Variants in PCDH15 observed in about 807,000 individuals in gnomAD.
The protein encoded by PCDH15 is protocadherin-15.
Under a neutral mutation model 178.5 loss-of-function variants are expected in PCDH15, and 129 were observed. The ratio of observed to expected loss-of-function variants is 0.72; its 90% confidence interval spans 0.63 to 0.84. PCDH15 has a LOEUF of 0.84. Among genes scored for constraint, PCDH15 ranks in the 40% least tolerant of loss-of-function variants. The pLI, the probability that PCDH15 is intolerant of heterozygous loss-of-function variation, is 0.00. For missense variants in PCDH15, 2,230 were observed against 2,099.9 expected (o/e 1.06, Z -1.21); for synonymous variants, 800 against 732.0 (o/e 1.09, Z -1.50).
At chr10:54,353,526 T>G (rs1019396614) in intron 5 of PCDH15, among the ~76,000 whole-genome samples, 1 of 152,186 alleles carries the variant, frequency 6.6e-6, no homozygotes, top group Non-Finnish European at 1.5e-5. Context: ...CTAATATCCC[T>G]GTACAGACTA....
At chr10:54,083,341 G>C (rs10825220) in intron 16 of PCDH15, among the ~76,000 whole-genome samples, 1 of 152,104 alleles carries the variant, frequency 6.6e-6, no homozygotes, top group African/African-American at 2.4e-5. Context: ...TCACAGCAGC[G>C]GTATTTGTAA....
Position 54,255,755 on chromosome 10 carries a change from C to T in PCDH15, c.877-18824G>A, listed in dbSNP as rs79874448. Among the ~76,000 whole-genome samples the T allele has an allele frequency of 6.2e-3, 949 of 152,182 alleles. 5 individuals carry two copies. The highest frequency in any genetic ancestry group is 0.011 in the Non-Finnish European group (717 of 68,012). ...ATATTAATGATAGCCTGAAAGCCCA[C>T]TCAGATATCTCACAGAGCCTATACT... On this transcript the variant is annotated intron_variant, in intron 8 of 37. Coordinates refer to ENST00000644397, the MANE Select transcript of PCDH15 (RefSeq NM_001384140.1).
intron 2 of PCDH15, among the ~76,000 whole-genome samples, chr10:55,344,092 C>G (rs1205717321): frequency 1.3e-5 from 2 of 151,846 alleles, no homozygotes; most frequent in Non-Finnish European, 2.9e-5. Context: ...ATAGAGATAC[C>G]AGGCAGAAAA....
chr10:55,032,686 G>T (rs1840641352), intron 2 of PCDH15, among the ~76,000 whole-genome samples: 1 of 152,316 alleles, frequency 6.6e-6, no homozygotes, highest in East Asian at 1.9e-4. Context: ...TCTACTATTA[G>T]ATAAGGAGAC....
At chr10:54,990,181 C>T (rs1666059469) in intron 2 of PCDH15, among the ~76,000 whole-genome samples, 1 of 152,174 alleles carries the variant, frequency 6.6e-6, no homozygotes, top group Admixed American at 6.5e-5. Context: ...CATAGCATTT[C>T]TTGGAGATCT....
At chr10:54,732,479 C>T (rs1338869843) in intron 1 of PCDH15, among the ~76,000 whole-genome samples, 1 of 151,422 alleles carries the variant, frequency 6.6e-6, no homozygotes, top group African/African-American at 2.4e-5. Flanking sequence ...ACACAAGACT[C>T]ACTCAAGAAA....
At chr10:55,391,277 T>G (rs1837786398) in intron 2 of PCDH15, among the ~76,000 whole-genome samples, 1 of 151,836 alleles carries the variant, frequency 6.6e-6, no homozygotes, top group Non-Finnish European at 1.5e-5. Context: ...TGAACCAACC[T>G]TCTCCAGCTT....
At chr10:54,134,418 C>G (rs1288906085) in intron 14 of PCDH15, among the ~76,000 whole-genome samples, 1 of 152,066 alleles carries the variant, frequency 6.6e-6, no homozygotes, top group Non-Finnish European at 1.5e-5. Flanking sequence ...AAATATTTGT[C>G]TGAGTTTATT....
intron 18 of PCDH15, among the ~76,000 whole-genome samples, chr10:54,063,500 C>T (rs917723792): frequency 6.6e-6 from 1 of 152,126 alleles, no homozygotes; most frequent in African/African-American, 2.4e-5. Context: ...ATGCATGTCC[C>T]TCAGAGCATT....
intron 8 of PCDH15, among the ~76,000 whole-genome samples, chr10:54,290,631 G>T (rs1485685176): frequency 6.6e-6 from 1 of 152,156 alleles, no homozygotes; most frequent in African/African-American, 2.4e-5. Flanking sequence ...ATCAATCAGT[G>T]TGCTGTATTC....
At chr10:54,665,739 G>A (rs997217786) in intron 1 of PCDH15, among the ~76,000 whole-genome samples, 1 of 151,806 alleles carries the variant, frequency 6.6e-6, no homozygotes, top group East Asian at 1.9e-4. Flanking sequence ...AGATATAAAA[G>A]GAGCTGCCTT....
intron 2 of PCDH15, among the ~76,000 whole-genome samples, chr10:54,933,085 T>A (rs1266420016): frequency 6.6e-6 from 1 of 152,220 alleles, no homozygotes; most frequent in Admixed American, 6.5e-5. Context: ...TATAGTAACA[T>A]GCTGTATAGG....
chr10:54,911,127 T>A (rs1393418624), intron 2 of PCDH15, among the ~76,000 whole-genome samples: 1 of 152,210 alleles, frequency 6.6e-6, no homozygotes, highest in Non-Finnish European at 1.5e-5. Context: ...TCACTCTTAG[T>A]TTTTCTGGCA....
chr10:54,293,637 C>A (rs534802392), intron 8 of PCDH15, among the ~76,000 whole-genome samples: 74 of 152,078 alleles, frequency 4.9e-4, no homozygotes, highest in Middle Eastern at 3.4e-3. Context: ...AACAAAAAAA[C>A]CCATTAAAAA....
At chr10:54,211,237 C>T (rs1411392280) in intron 10 of PCDH15, among the ~76,000 whole-genome samples, 3 of 142,520 alleles carry the variant, frequency 2.1e-5, no homozygotes, top group Non-Finnish European at 4.4e-5. Context: ...CAAACTGGGA[C>T]ATTTAAAAGA....
chr10:54,922,618 G>A (rs2131845367), intron 2 of PCDH15, among the ~76,000 whole-genome samples: 1 of 152,168 alleles, frequency 6.6e-6, no homozygotes, highest in South Asian at 2.1e-4. Context: ...GGGGCCAGGG[G>A]TGGAATGATA....
chr10:54,953,910 TA>T (rs1000899645), intron 2 of PCDH15, among the ~76,000 whole-genome samples: 5 of 151,312 alleles, frequency 3.3e-5, no homozygotes, highest in East Asian at 1.9e-4. Context: ...AAAATACATT[TA>T]AAAAATATAT....
chr10:53,969,947 T>A (rs896798257), intron 21 of PCDH15, among the ~76,000 whole-genome samples: 15 of 152,018 alleles, frequency 9.9e-5, no homozygotes, highest in African/African-American at 3.6e-4. Context: ...AGAAACTGCA[T>A]CAACTAACGA....
chr10:53,961,051 T>C (rs2088250517), intron 22 of PCDH15, among the ~76,000 whole-genome samples: 1 of 152,140 alleles, frequency 6.6e-6, no homozygotes, highest in Non-Finnish European at 1.5e-5. Flanking sequence ...TTCATTAGTA[T>C]TTGAAGAAAA....
Sources: gnomAD v4.1 joint callset for allele counts (sites outside exome capture counted in the v4.1 genomes callset) on GRCh38, gnomAD v4.1.1 for gene constraint, MANE v1.5 for transcripts, NCBI Gene and HGNC (gene_info 2026-07-23, HGNC 2026-07-21) for gene names.